SPTBN5: variants seen among roughly 807,000 people sequenced by gnomAD.
SPTBN5 encodes spectrin beta, non-erythrocytic 5.
In SPTBN5, 513 loss-of-function variants were observed where a neutral mutation model predicts 477.6. The ratio of observed to expected loss-of-function variants is 1.07; its 90% CI spans 1.00 to 1.16. The LOEUF is 1.16. Among genes scored for constraint, SPTBN5 ranks in the 50% most tolerant of loss-of-function variants. SPTBN5 has a pLI of 0.00. For missense variants in SPTBN5, 5,062 were observed against 4,731.8 expected, an observed-to-expected ratio of 1.07 and a Z score of -2.05; for synonymous variants, 2,169 against 2,011.7, an observed-to-expected ratio of 1.08 and a Z score of -2.09.
chr15:41,893,147 A>G (rs1432962794), intron 2 of SPTBN5, 86 bp from the exon 3 acceptor site: 2 of 1,571,136 alleles, frequency 1.3e-6, no homozygotes, highest in Non-Finnish European at 1.7e-6. Flanking sequence ...GACCCAGAGC[A>G]GCTGCTTTGG....
intron 64 of SPTBN5, 59 bp downstream of exon 64, chr15:41,851,224 C>T (rs2065748705): frequency 2.6e-6 from 4 of 1,565,166 alleles, no homozygotes; most frequent in Non-Finnish European, 3.5e-6. Context: ...TGTCCTGGGG[C>T]CCCTCTGCCT....
intron 63 of SPTBN5, 104 bp from the exon 64 acceptor site, chr15:41,851,473 T>G: frequency 1.2e-6 from 1 of 857,204 alleles, no homozygotes; most frequent in African/African-American, 1.7e-5. Flanking sequence ...GGAAAAGCGG[T>G]GGATTGGACC....
intron 57 of SPTBN5, 75 bp from the exon 58 acceptor site, chr15:41,853,862 G>A (rs2065854462): frequency 2.1e-6 from 3 of 1,449,468 alleles, no homozygotes; most frequent in Admixed American, 2.2e-5. Flanking sequence ...GGAGCACCAG[G>A]CCTCTCTGAG....
intron 24 of SPTBN5, 100 bp from the exon 25 acceptor site, chr15:41,874,145 A>C (rs2140947097): frequency 6.6e-7 from 1 of 1,508,384 alleles, no homozygotes; most frequent in East Asian, 2.3e-5. Flanking sequence ...CAAGACCCCC[A>C]GGGTCAAAAT....
At chr15:41,861,389 C>T (rs753073726) in intron 46 of SPTBN5, 30 bp downstream of exon 46, 2 of 1,587,900 alleles carry the variant, frequency 1.3e-6, no homozygotes, top group African/African-American at 1.3e-5. Context: ...GGTAATTCCC[C>T]CCTCCTGCCC....
In SPTBN5 at chr15:41,855,712, C is replaced by G; in HGVS notation, c.9055G>C (p.Gly3019Arg). 3.8e-6 allele frequency: 6 copies of G among 1,592,244 alleles called. No homozygotes were observed. Among genetic ancestry groups the G allele is most frequent in the Non-Finnish European group, 5.1e-6 (6 of 1,170,392 alleles). ...ATGTCCTCGCTGTCCAGGACATGGC[C>G]CCGCTCAGCCAGCCAGGATCCCGCC... ...LEAGSWLAER[G>R]HVLDSEDMGH... The change falls in exon 54 of 68, where the codon GGC becomes CGC. Residue 3019 changes from glycine to arginine, a missense_variant. By Grantham distance (125) the Gly-to-Arg change is moderately radical. Transcript: ENST00000320955.
At position 41,869,872 on chromosome 15, in the gene SPTBN5, C is replaced by T. The variant is rs150236230; in HGVS notation, c.5822G>A (p.Arg1941Gln). ...RMEQRRAQLE[R>Q]ARLLARFRTA... ...GCGGAAGCGGGCCAGGAGGCGTGCC[C>T]GCTCCAGCTGGGCCCTGCGCTGCTC... Residue 1941 changes from arginine (R) to glutamine (Q), a missense_variant, in exon 32 of 68, where the codon CGG becomes CAG. Arg to Gln is a conservative substitution (Grantham distance 43). Transcript: ENST00000320955. 100 of 1,555,666 alleles carry T rather than the reference C, an allele frequency of 6.4e-5. No individual in the cohort carries two copies. In the African/African-American group the frequency reaches 9.2e-4, roughly 14 times the overall value.
chr15:41,849,461 G>GC (rs2065674566), intron 67 of SPTBN5, among the ~76,000 whole-genome samples: 1 of 152,190 alleles, frequency 6.6e-6, no homozygotes, highest in African/African-American at 2.4e-5. Flanking sequence ...CTGCCAATGT[G>GC]CTGTGCCTTG....
Position 41,852,879 on chromosome 15 carries a change from T to G in SPTBN5, c.10292A>C (p.Gln3431Pro), listed in dbSNP as rs745543195. The change falls in exon 60 of 68, where the codon CAG (glutamine) becomes CCG (proline). Residue 3431 changes from glutamine to proline, a missense_variant. Coordinates refer to ENST00000320955, the MANE Select transcript of SPTBN5 (RefSeq NM_016642.4). ...CCAGCAGGCCAGCCAGGCCTCAGCC[T>G]GCTCCAGCCTCTGCCGAAGCTTCTG... ...GLQKLRQRLE[Q>P]AEAWLACWEG... 9.3e-6 allele frequency: 15 copies of G among 1,607,916 alleles called. No individual in the cohort carries two copies. The highest frequency in any genetic ancestry group is 8.4e-5 in the Admixed American group (5 of 59,740).
chr15:41,860,812 G>A, intron 46 of SPTBN5, 54 bp from the exon 47 acceptor site: 16 of 1,410,090 alleles, frequency 1.1e-5, no homozygotes, highest in Non-Finnish European at 1.5e-5. Context: ...TCCCATCCCA[G>A]GCTACCTGCC....
chr15:41,868,861 C>G (rs1476001072), intron 32 of SPTBN5, among the ~76,000 whole-genome samples: 1 of 152,230 alleles, frequency 6.6e-6, no homozygotes, highest in African/African-American at 2.4e-5. Context: ...TTCCTCCTGC[C>G]TTCCCATCTC....
chr15:41,858,972 G>A lies in SPTBN5; in HGVS notation c.7997C>T (p.Ala2666Val), dbSNP rs377208445. The change falls in exon 48 of 68, where the codon GCG becomes GTG. Residue 2666 changes from alanine to valine, a missense_variant. Transcript: ENST00000320955. ...GCGGGTCCCGGCTTGCCTGAAGAGC[G>A]CCTCCTTCCTGCCAGGAGGAGAGGC... ...RCQAMLLRKE[A>V]LFRQAGTRRH... The A allele has an allele frequency of 9.0e-5, 141 of 1,558,728 alleles. No homozygotes were observed. The highest frequency in any genetic ancestry group is 1.4e-4 in the South Asian group (12 of 83,646).
At chr15:41,890,429 A>G (rs2067274938) in intron 3 of SPTBN5, among the ~76,000 whole-genome samples, 1 of 152,222 alleles carries the variant, frequency 6.6e-6, no homozygotes, top group South Asian at 2.1e-4. Context: ...TGAAGCCCCA[A>G]CCTGGTGAAC....
chr15:41,854,021 ACAGG>A, intron 57 of SPTBN5, 25 bp downstream of exon 57: 1 of 1,537,840 alleles, frequency 6.5e-7, no homozygotes, highest in Non-Finnish European at 8.7e-7. Context: ...AGGGGCTCAG[ACAGG>A]CAGGCTGCAG....
Position 41,882,128 on chromosome 15 carries a change from C to T in SPTBN5, c.2265G>A (p.Ala755=), listed in dbSNP as rs763907890. The part of the protein sequence containing the change: ...LLVLQYFADA[A]EAASWLRERR... ...GCTCGCGCAGCCACGAAGCCGCCTC[C>T]GCCGCGTCCGCGAAGTACTGTGGGA... The change falls in exon 12 of 68, where the codon GCG becomes GCA. Residue 755 remains alanine, a synonymous_variant. Transcript: ENST00000320955. 16 of 1,572,392 alleles carry T rather than the reference C, an allele frequency of 1.0e-5. No individual in the cohort carries two copies. In the Admixed American group the frequency reaches 1.9e-4, roughly 19 times the overall value.
Position 41,879,732 on chromosome 15 carries a change from A to C in SPTBN5, c.2942+2T>G. 1 of 1,613,212 alleles carries C rather than the reference A, an allele frequency of 6.2e-7. No homozygotes were observed. The highest frequency in any genetic ancestry group is 8.5e-7 in the Non-Finnish European group (1 of 1,179,770). The stretch of plus-strand genomic sequence containing the variant: ...CCACCTGCACTCCTGCCTCATTCTC[A>C]CCTCTGGCTCAGTTCCTCCTGCTGT... On this transcript the variant is annotated splice_donor_variant, in intron 15 of 67. Transcript: ENST00000320955. LOFTEE classifies it high-confidence loss of function.
Position 41,852,276 on chromosome 15 carries a change from G to A in SPTBN5, c.10490C>T (p.Pro3497Leu), listed in dbSNP as rs543294218. The A allele has an allele frequency of 3.9e-5, 63 of 1,604,042 alleles. 1 individual carries two copies. In the Admixed American group the frequency reaches 1.0e-3, roughly 26 times the overall value. ...TGTCAGCGAGCTGCCAGCTCTCCCGGGCTTCAGCTCCTGTGGCTGCAGCAG... is the reference window on the plus strand; with the variant it reads ...TGTCAGCGAGCTGCCAGCTCTCCCGAGCTTCAGCTCCTGTGGCTGCAGCAG... ...ELLLQPQELKPGRAGSSLTSF... is the reference protein window; with the variant it reads ...ELLLQPQELKLGRAGSSLTSF... The change falls in exon 62 of 68, where the codon CCC (proline) becomes CTC (leucine). Residue 3497 changes from proline (P) to leucine (L), a missense_variant. Transcript: ENST00000320955.
chr15:41,857,531 C>T, intron 50 of SPTBN5, 37 bp from the exon 51 acceptor site: 1 of 1,603,984 alleles, frequency 6.2e-7, no homozygotes, highest in Non-Finnish European at 8.5e-7. Flanking sequence ...AGGGGAGTGT[C>T]CTGGAGCCCG....
chr15:41,872,183 A>G (rs2066566753), intron 27 of SPTBN5, 119 bp downstream of exon 27: 1 of 1,302,584 alleles, frequency 7.7e-7, no homozygotes, highest in African/African-American at 1.5e-5. Context: ...CCCTTTTCCC[A>G]ATGCATCTCT....
Sources: allele counts gnomAD v4.1 joint callset (sites outside exome capture counted in the v4.1 genomes callset), GRCh38; gene constraint gnomAD v4.1.1; transcripts MANE v1.5; gene names NCBI Gene and HGNC (gene_info 2026-07-23, HGNC 2026-07-21).